Variants in CYYR1 observed in about 807,000 individuals in gnomAD.
CYYR1 encodes the protein cysteine and tyrosine-rich protein 1.
CYYR1 carries 14 observed loss-of-function variants against 15.2 expected under a neutral mutation model. That is an observed-to-expected ratio of 0.92 (90% CI 0.61 to 1.44). CYYR1 has a LOEUF of 1.44. Among genes scored for constraint, CYYR1 ranks in the 40% most tolerant of loss-of-function variants. CYYR1 has a pLI of 0.00. For missense variants in CYYR1, 228 were observed against 209.5 expected (o/e 1.09, Z -0.54); for synonymous variants, 80 against 77.4 (o/e 1.03, Z -0.18).
intron 2 of CYYR1, among the ~76,000 whole-genome samples, chr21:26,499,843 T>C (rs115503057): frequency 6.6e-6 from 1 of 151,378 alleles, no homozygotes; most frequent in Non-Finnish European, 1.5e-5. Context: ...TTTGTTTTTT[T>C]TTTTTTTTTC....
chr21:26,503,653 A>T (rs2065512640), intron 2 of CYYR1: 1 of 152,186 alleles, frequency 6.6e-6, no homozygotes, highest in Non-Finnish European at 1.5e-5. Flanking sequence ...CCTCTTAAAG[A>T]TTTAAGACAT....
intron 2 of CYYR1, among the ~76,000 whole-genome samples, chr21:26,497,890 A>G (rs937556208): frequency 1.3e-5 from 2 of 152,220 alleles, no homozygotes; most frequent in African/African-American, 4.8e-5. Context: ...TGTAAGATCA[A>G]TATGTGTAAA....
rs2064991459 is a variant in CYYR1, at chr21:26,468,236, A to C, written c.*265T>G. 3 of 458,368 alleles carry C rather than the reference A, an allele frequency of 6.5e-6. No individual in the cohort carries two copies. The Admixed American group carries it at 1.0e-4, about 16-fold the overall frequency. The allele number at this position is 458,368 out of a possible 1,614,324, so 28.4% of individuals were successfully genotyped here. A position where few individuals can be genotyped will look rare whatever the true frequency, so the allele number is the denominator to read the frequency against. On this transcript the variant is annotated 3_prime_UTR_variant, in exon 4 of 4. Transcript: ENST00000652641. Reference sequence around the variant, plus strand: ...ATGATTATCAGATATTTTGTCAATTACATTACTCTTCCCTGAATGTGCTTA... The same window carrying C: ...ATGATTATCAGATATTTTGTCAATTCCATTACTCTTCCCTGAATGTGCTTA...
At chr21:26,535,642 G>A (rs1033161177) in intron 2 of CYYR1, among the ~76,000 whole-genome samples, 9 of 152,094 alleles carry the variant, frequency 5.9e-5, no homozygotes, top group Non-Finnish European at 1.3e-4. Flanking sequence ...AAAACTAGGG[G>A]CTCTCTCCAA....
chr21:26,540,561 G>A (rs964956877), intron 2 of CYYR1, among the ~76,000 whole-genome samples: 5 of 151,986 alleles, frequency 3.3e-5, no homozygotes, highest in African/African-American at 9.7e-5. Context: ...CACTATGCAC[G>A]CATGGGGCAT....
chr21:26,525,987 CA>C (rs1408860484), intron 2 of CYYR1, among the ~76,000 whole-genome samples: 1 of 122,562 alleles, frequency 8.2e-6, no homozygotes, highest in Non-Finnish European at 1.7e-5. Context: ...TGGACACAGA[CA>C]GGAACAATGG....
At chr21:26,507,887 AGG>A (rs386817519) in intron 2 of CYYR1, among the ~76,000 whole-genome samples, 2,854 of 152,292 alleles carry the variant, frequency 0.019, 96 homozygotes, top group African/African-American at 0.064. Flanking sequence ...TGGTATTTAG[AGG>A]TATTAATTCA....
At chr21:26,513,755 G>A (rs866084744) in intron 2 of CYYR1, among the ~76,000 whole-genome samples, 16 of 152,084 alleles carry the variant, frequency 1.1e-4, no homozygotes, top group South Asian at 2.1e-4. Flanking sequence ...CTAAAAGGGC[G>A]ACTGGGGCAA....
intron 3 of CYYR1, among the ~76,000 whole-genome samples, chr21:26,478,606 C>T (rs1160731373): frequency 4.6e-5 from 7 of 152,088 alleles, no homozygotes; most frequent in African/African-American, 1.7e-4. Flanking sequence ...TGGGGAACCG[C>T]TGGAAGATTC....
In CYYR1 at chr21:26,507,416, A is replaced by T. The variant is rs560370481; in HGVS notation, c.177-26987T>A. Among the ~76,000 whole-genome samples the T allele has an allele frequency of 1.1e-4, 16 of 152,350 alleles. No individual in the cohort carries two copies. In the South Asian group the frequency reaches 3.3e-3, roughly 32 times the overall value. On this transcript the variant is annotated intron_variant, in intron 2 of 3. Coordinates refer to ENST00000652641, the MANE Select transcript of CYYR1 (RefSeq NM_001320768.2). ...AACATTAGATGTCTTTACATTTCTC[A>T]TTATTCTATTATTAATTTTAGAATA...
At chr21:26,503,873 T>C (rs2065515675) in intron 2 of CYYR1, among the ~76,000 whole-genome samples, 1 of 152,220 alleles carries the variant, frequency 6.6e-6, no homozygotes, top group African/African-American at 2.4e-5. Context: ...TGCATTTTCT[T>C]CATGGAAGAC....
At chr21:26,571,152 A>C (rs1980985737) in intron 1 of CYYR1, among the ~76,000 whole-genome samples, 1 of 152,260 alleles carries the variant, frequency 6.6e-6, no homozygotes, top group Non-Finnish European at 1.5e-5. Flanking sequence ...TGATAAGAAC[A>C]TGACCTCTTA....
chr21:26,518,195 C>T (rs1169166625), intron 2 of CYYR1, among the ~76,000 whole-genome samples: 2 of 152,126 alleles, frequency 1.3e-5, no homozygotes, highest in Non-Finnish European at 1.5e-5. Flanking sequence ...AATGTGACCA[C>T]CAGAAATTCC....
At chr21:26,523,168 C>A (rs1223846664) in intron 2 of CYYR1, among the ~76,000 whole-genome samples, 2 of 152,120 alleles carry the variant, frequency 1.3e-5, no homozygotes, top group Non-Finnish European at 2.9e-5. Flanking sequence ...ATAGTTCTGG[C>A]CTCTTTTCTA....
intron 2 of CYYR1, among the ~76,000 whole-genome samples, chr21:26,502,777 T>C (rs1047913865): frequency 6.6e-6 from 1 of 152,082 alleles, no homozygotes; most frequent in South Asian, 2.1e-4. Context: ...CAGTGAGCTA[T>C]AGGTAATGTT....
At chr21:26,522,133 C>G (rs2065810820) in intron 2 of CYYR1, among the ~76,000 whole-genome samples, 1 of 152,206 alleles carries the variant, frequency 6.6e-6, no homozygotes, top group African/African-American at 2.4e-5. Context: ...ACCACAGTAT[C>G]AGACACTTCC....
chr21:26,468,486 GTTCTGGGAGATAGATTAT>G lies in CYYR1; in HGVS notation c.465_*14del. The G allele has an allele frequency of 6.7e-7, 1 of 1,482,210 alleles. No homozygotes were observed. The highest frequency in any genetic ancestry group is 9.4e-7 in the Non-Finnish European group (1 of 1,059,496). The allele number at this position is 1,482,210 out of a possible 1,614,324, so 91.8% of individuals were successfully genotyped here. ...AAGATCGCCCATTGGCACATGTTCT[GTTCTGGGAGATAGATTAT>G]TTCCTTGCGTTTCCAGGATAAGGAG... On this transcript the variant is annotated stop_lost and 3_prime_UTR_variant, in exon 4 of 4. Transcript: ENST00000652641.
intron 2 of CYYR1, among the ~76,000 whole-genome samples, chr21:26,533,759 T>C (rs192577892): frequency 6.6e-5 from 10 of 152,184 alleles, no homozygotes; most frequent in African/African-American, 2.4e-4. Flanking sequence ...GCTGCTGTTG[T>C]TGGTGTGCGT....
At chr21:26,495,555 A>G (rs1208370572) in intron 2 of CYYR1, among the ~76,000 whole-genome samples, 1 of 151,386 alleles carries the variant, frequency 6.6e-6, no homozygotes, top group African/African-American at 2.4e-5. Flanking sequence ...AACTGCACAA[A>G]GACCTGTTTC....
Sources: gnomAD v4.1 joint callset for allele counts (sites outside exome capture counted in the v4.1 genomes callset) on GRCh38, gnomAD v4.1.1 for gene constraint, MANE v1.5 for transcripts, NCBI Gene and HGNC (gene_info 2026-07-23, HGNC 2026-07-21) for gene names.